Variants in MADD observed in about 807,000 individuals in gnomAD.
MADD encodes MAP kinase activating death domain.
Under a neutral mutation model 176.7 loss-of-function variants are expected in MADD, and 109 were observed. The ratio of observed to expected loss-of-function variants is 0.62; its 90% CI spans 0.53 to 0.72. MADD has a LOEUF of 0.72. MADD is among the 30% of genes least tolerant of loss of function. The pLI, the probability that MADD is intolerant of heterozygous loss-of-function variation, is 0.00. For missense variants in MADD, 1,914 were observed against 2,045.5 expected, an observed-to-expected ratio of 0.94 and a Z score of 1.24; for synonymous variants, 771 against 771.3, an observed-to-expected ratio of 1.00 and a Z score of 0.01.
intron 15 of MADD, among the ~76,000 whole-genome samples, chr11:47,288,585 C>T (rs2062620288): frequency 6.6e-6 from 1 of 152,192 alleles, no homozygotes; most frequent in Non-Finnish European, 1.5e-5. Context: ...CATCCTCATA[C>T]CCTGACCCCA....
intron 22 of MADD, among the ~76,000 whole-genome samples, chr11:47,306,798 G>A (rs1012212194): frequency 3.3e-5 from 5 of 152,042 alleles, no homozygotes; most frequent in African/African-American, 1.2e-4. Context: ...ACCTCTCTTT[G>A]TGAGGGGGAT....
At chr11:47,308,720 G>A in intron 23 of MADD, 21 bp downstream of exon 25, 1 of 1,596,726 alleles carries the variant, frequency 6.3e-7, no homozygotes, top group Non-Finnish European at 8.6e-7. Context: ...CACTGGGAAG[G>A]CCCTTTGCAC....
chr11:47,290,239 G>C, exon 18 of MADD: 1 of 1,614,098 alleles, frequency 6.2e-7, no homozygotes, highest in Middle Eastern at 1.7e-4. Context: ...CGCGGGTCTG[G>C]GTGGCATGGC....
chr11:47,292,660 T>A (rs369278574), intron 19 of MADD, 64 bp downstream of exon 21: 9 of 1,536,134 alleles, frequency 5.9e-6, no homozygotes, highest in Non-Finnish European at 8.1e-6. Flanking sequence ...CCAGGCCCAG[T>A]TGGGGCAGGC....
chr11:47,277,324 C>T (rs1285665276), intron 5 of MADD, among the ~76,000 whole-genome samples: 3 of 152,130 alleles, frequency 2.0e-5, no homozygotes, highest in Admixed American at 6.5e-5. Context: ...ACAGAGTCTC[C>T]CTCTATCCCC....
chr11:47,289,398 G>T (rs532969032), exon 16 of MADD: 5 of 1,613,858 alleles, frequency 3.1e-6, no homozygotes, highest in Non-Finnish European at 4.2e-6. Flanking sequence ...CAGGAAACAG[G>T]AGGGCGTTAG....
chr11:47,311,831 C>T (rs779880859), exon 26 of MADD: 4 of 1,612,134 alleles, frequency 2.5e-6, no homozygotes. Context: ...GCTTGATCAG[C>T]TGGCGAACCT....
chr11:47,323,768 C>T (rs147475358), exon 28 of MADD: 21 of 1,614,162 alleles, frequency 1.3e-5, no homozygotes, highest in South Asian at 3.3e-5. Context: ...TGTCCCAAGA[C>T]GAAGGTGTTG....
exon 33 of MADD, chr11:47,329,301 G>A (rs1367889804): frequency 9.2e-6 from 6 of 651,620 alleles, no homozygotes; most frequent in South Asian, 6.8e-5. Flanking sequence ...TACCGGTTAT[G>A]TGTCCCTCTG....
chr11:47,304,796 A>G (rs1401325759), intron 22 of MADD, among the ~76,000 whole-genome samples: 3 of 152,012 alleles, frequency 2.0e-5, no homozygotes, highest in Non-Finnish European at 4.4e-5. Flanking sequence ...TGGTGGAGTC[A>G]TATGTCCTTG....
chr11:47,296,278 G>C (rs2071709004), intron 22 of MADD, among the ~76,000 whole-genome samples: 1 of 152,146 alleles, frequency 6.6e-6, no homozygotes, highest in African/African-American at 2.4e-5. Context: ...TCATTGATGA[G>C]TTAGGCTCCG....
exon 9 of MADD, chr11:47,282,437 A>G: frequency 6.2e-7 from 1 of 1,614,196 alleles, no homozygotes; most frequent in Non-Finnish European, 8.5e-7. Flanking sequence ...TTTCAGATGC[A>G]CACGCGTACC....
intron 32 of MADD, 130 bp downstream of exon 36, chr11:47,328,834 C>G: frequency 5.7e-6 from 7 of 1,236,134 alleles, no homozygotes; most frequent in Non-Finnish European, 8.1e-6. Flanking sequence ...GCCAAAGGTT[C>G]AACTCAGGCT....
chr11:47,328,068 A>T, intron 31 of MADD: 8 of 993,754 alleles, frequency 8.1e-6, no homozygotes, highest in Non-Finnish European at 9.6e-6. Context: ...TCCCTCACAC[A>T]GGCAGGTCTG....
chr11:47,326,017 A>T (rs2095418202), intron 30 of MADD, among the ~76,000 whole-genome samples: 1 of 152,208 alleles, frequency 6.6e-6, no homozygotes, highest in Non-Finnish European at 1.5e-5. Flanking sequence ...GGAGCTGTGC[A>T]GTCTGGGGTA....
At chr11:47,292,397 T>C in intron 19 of MADD, 146 bp from the exon 21 acceptor site, 1 of 727,142 alleles carries the variant, frequency 1.4e-6, no homozygotes, top group Non-Finnish European at 2.5e-6. Flanking sequence ...CTGCCCCTTC[T>C]CCCCATGAAG....
At chr11:47,296,766 T>TG (rs1303913379) in intron 22 of MADD, among the ~76,000 whole-genome samples, 29 of 144,898 alleles carry the variant, frequency 2.0e-4, no homozygotes, top group East Asian at 1.2e-3. Flanking sequence ...TTTTTGTTGT[T>TG]TTTTTTTTTT....
intron 22 of MADD, among the ~76,000 whole-genome samples, chr11:47,303,987 T>A (rs985800192): frequency 2.0e-5 from 3 of 152,150 alleles, no homozygotes; most frequent in African/African-American, 7.2e-5. Context: ...CTCCCCAGAC[T>A]TGGGAAGTTT....
At chr11:47,290,441 A>G in intron 18 of MADD, 142 bp downstream of exon 19, 1 of 1,295,854 alleles carries the variant, frequency 7.7e-7, no homozygotes, top group Non-Finnish European at 1.1e-6. Flanking sequence ...TTTCTAATGC[A>G]TGTTTATACG....
Sources: allele counts gnomAD v4.1 joint callset (sites outside exome capture counted in the v4.1 genomes callset), GRCh38; gene constraint gnomAD v4.1.1; transcripts MANE v1.5; gene names NCBI Gene and HGNC (gene_info 2026-07-23, HGNC 2026-07-21).